SULF1: variants seen among roughly 807,000 people sequenced by gnomAD.
SULF1 encodes sulfatase 1.
Under a neutral mutation model 110.5 loss-of-function variants are expected in SULF1, and 46 were observed. The ratio of observed to expected loss-of-function variants is 0.42; its 90% CI spans 0.33 to 0.53. SULF1 has a LOEUF of 0.53. SULF1 is among the 20% of genes least tolerant of loss of function. The pLI, the probability that SULF1 is intolerant of heterozygous loss-of-function variation, is 0.12. For synonymous variants in SULF1, 371 were observed against 387.1 expected (o/e 0.96, Z 0.49); for missense variants, 941 against 1,094.2 (o/e 0.86, Z 1.98).
chr8:69,585,527 G>C (rs1161828739), intron 6 of SULF1, among the ~76,000 whole-genome samples: 1 of 151,972 alleles, frequency 6.6e-6, no homozygotes, highest in African/African-American at 2.4e-5. Flanking sequence ...CAAATTTCTA[G>C]TCACCCTCTC....
intron 8 of SULF1, among the ~76,000 whole-genome samples, chr8:69,594,019 C>G (rs985114129): frequency 2.0e-5 from 3 of 152,066 alleles, no homozygotes; most frequent in African/African-American, 7.2e-5. Flanking sequence ...TGAACTATGC[C>G]CCTGTCAGCT....
Position 69,576,118 on chromosome 8 carries a change from C to T in SULF1, c.321C>T (p.Thr107=). ...GKYVHNHNVY[T]NNENCSSPSW... ...ATGTGCACAATCACAATGTCTACAC[C>T]AACAACGAGAACTGCTCTTCCCCCT... The change falls in exon 6 of 23, where the codon ACC becomes ACT. Residue 107 remains threonine, a synonymous_variant. Coordinates refer to ENST00000402687, the MANE Select transcript of SULF1 (RefSeq NM_001128205.2). 1 of 1,614,184 alleles carries T rather than the reference C, an allele frequency of 6.2e-7. No homozygotes were observed. Among genetic ancestry groups the T allele is most frequent in the South Asian group, 1.1e-5 (1 of 91,086 alleles).
chr8:69,488,145 A>T (rs2150550248), upstream of SULF1, among the ~76,000 whole-genome samples: 1 of 152,352 alleles, frequency 6.6e-6, no homozygotes, highest in South Asian at 2.1e-4. Context: ...GAATAGGAGA[A>T]GAAATAACAT....
intron 3 of SULF1, among the ~76,000 whole-genome samples, chr8:69,554,928 G>A (rs573695520): frequency 7.5e-6 from 1 of 133,426 alleles, no homozygotes; most frequent in Non-Finnish European, 1.5e-5. Flanking sequence ...GCGGTAAGCC[G>A]AGACTGCGCC....
chr8:69,545,387 T>C (rs1030103304), intron 3 of SULF1, among the ~76,000 whole-genome samples: 1 of 152,200 alleles, frequency 6.6e-6, no homozygotes, highest in African/African-American at 2.4e-5. Flanking sequence ...GGAGATATAA[T>C]TGGGTATTTG....
chr8:69,575,291 C>A (rs73293342), intron 5 of SULF1, among the ~76,000 whole-genome samples: 3,253 of 151,402 alleles, frequency 0.021, 112 homozygotes, highest in African/African-American at 0.074. Context: ...CAAATACTTT[C>A]GAGTGCAATC....
chr8:69,538,947 T>G (rs1307044919), intron 3 of SULF1, among the ~76,000 whole-genome samples: 7 of 152,334 alleles, frequency 4.6e-5, no homozygotes, highest in Admixed American at 2.6e-4. Flanking sequence ...GGCTTCGGCC[T>G]CCCAAAGTGC....
intron 1 of SULF1, among the ~76,000 whole-genome samples, chr8:69,471,249 C>G (rs1430725917): frequency 6.6e-6 from 1 of 152,104 alleles, no homozygotes; most frequent in African/African-American, 2.4e-5. Context: ...TGGCCTGGTC[C>G]ACTTTAATGA....
In SULF1 at chr8:69,576,190, C is replaced by G. The variant is rs1188766952; in HGVS notation, c.393C>G (p.Asn131Lys). The part of the protein sequence containing the change: ...HEPRTFAVYL[N>K]NTGYRTAFFG... ...CTCGGACTTTTGCTGTATATCTTAACAACACTGGCTACAGAACAGGTAAGG... is the reference window on the plus strand; with the variant it reads ...CTCGGACTTTTGCTGTATATCTTAAGAACACTGGCTACAGAACAGGTAAGG... The change falls in exon 6 of 23, where the codon AAC becomes AAG. Residue 131 changes from asparagine (N) to lysine (K), a missense_variant. Physicochemically the swap from Asn to Lys is moderately conservative, Grantham distance 94 (BLOSUM62 0). Around this residue, in one of 3 missense-constraint regions of SULF1, gnomAD observed 822 missense variants for 934.3 expected, o/e 0.88. Coordinates refer to ENST00000402687, the MANE Select transcript of SULF1 (RefSeq NM_001128205.2). 2 of 1,614,118 alleles carry G rather than the reference C, an allele frequency of 1.2e-6. No individual in the cohort carries two copies. Among genetic ancestry groups the G allele is most frequent in the Non-Finnish European group, 1.7e-6 (2 of 1,179,996 alleles).
At chr8:69,623,321 A>G (rs1045294625) in intron 14 of SULF1, among the ~76,000 whole-genome samples, 4 of 152,226 alleles carry the variant, frequency 2.6e-5, no homozygotes, top group Admixed American at 6.5e-5. Context: ...TCATAGTCTC[A>G]GAAGATTATA....
intron 3 of SULF1, among the ~76,000 whole-genome samples, chr8:69,512,508 T>C (rs1006839798): frequency 6.6e-6 from 1 of 152,212 alleles, no homozygotes; most frequent in Non-Finnish European, 1.5e-5. Flanking sequence ...AGCTTGTGAA[T>C]CTGGGCAAGC....
At chr8:69,650,010 G>A (rs1392851261) in intron 22 of SULF1, among the ~76,000 whole-genome samples, 1 of 34,374 alleles carries the variant, frequency 2.9e-5, no homozygotes, top group Non-Finnish European at 5.8e-5. Context: ...TTTTTTTTTT[G>A]TCTGAGACAC....
intron 19 of SULF1, among the ~76,000 whole-genome samples, chr8:69,630,797 A>G (rs189855671): frequency 6.6e-6 from 1 of 152,340 alleles, no homozygotes; most frequent in East Asian, 1.9e-4. Context: ...TAGTAATGCT[A>G]TGAAGGAAAC....
intron 3 of SULF1, among the ~76,000 whole-genome samples, chr8:69,547,725 G>A (rs1036743759): frequency 3.3e-5 from 5 of 152,092 alleles, no homozygotes; most frequent in South Asian, 2.1e-4. Context: ...TGTATTGTAC[G>A]TAGCATAGCA....
chr8:69,642,295 A>C, intron 22 of SULF1: 1 of 987,236 alleles, frequency 1.0e-6, no homozygotes, highest in Non-Finnish European at 1.2e-6. Context: ...GCTTCCTTTT[A>C]GAGAGAAGGT....
chr8:69,564,102 C>A lies in SULF1; in HGVS notation c.127C>A (p.Pro43Thr), dbSNP rs774082875. ...ACAGCAGGAACGAAAAAACATCCGA[C>A]CCAACATTATTCTTGTGCTTACCGA... Reference protein sequence around the residue: ...RIQQERKNIRPNIILVLTDDQ... With the variant: ...RIQQERKNIRTNIILVLTDDQ... The change falls in exon 5 of 23, where the codon CCC (proline) becomes ACC (threonine). Residue 43 changes from proline to threonine, a missense_variant. This residue lies in a region of SULF1 where 822 missense variants were observed against 934.3 expected (regional missense o/e 0.88). Transcript: ENST00000402687. 6.2e-7 allele frequency: 1 copy of A among 1,614,154 alleles called. No individual in the cohort carries two copies. The highest frequency in any genetic ancestry group is 8.5e-7 in the Non-Finnish European group (1 of 1,180,024).
At chr8:69,578,410 A>T (rs1017902947) in intron 6 of SULF1, among the ~76,000 whole-genome samples, 17 of 151,948 alleles carry the variant, frequency 1.1e-4, no homozygotes, top group African/African-American at 3.9e-4. Flanking sequence ...TGTGCAGGTT[A>T]GTTACATATG....
intron 13 of SULF1, among the ~76,000 whole-genome samples, chr8:69,616,001 A>C (rs1306996067): frequency 6.6e-6 from 1 of 151,920 alleles, no homozygotes; most frequent in Non-Finnish European, 1.5e-5. Context: ...AAGTTGATAT[A>C]AATTGGATCC....
intron 19 of SULF1, among the ~76,000 whole-genome samples, chr8:69,635,045 T>G (rs780335132): frequency 6.6e-6 from 1 of 152,198 alleles, no homozygotes; most frequent in African/African-American, 2.4e-5. Context: ...ATCCGCCCAC[T>G]GCAGCATCTC....
Sources: allele counts gnomAD v4.1 joint callset (sites outside exome capture counted in the v4.1 genomes callset), GRCh38; gene constraint gnomAD v4.1.1; regional missense constraint gnomAD v4.1.1; transcripts MANE v1.5; gene names NCBI Gene and HGNC (gene_info 2026-07-23, HGNC 2026-07-21).